The following SLC2A9 variants were observed in gnomAD, a reference collection of about 807,000 sequenced individuals.
The protein encoded by SLC2A9 is solute carrier family 2 member 9, also known as solute carrier family 2, facilitated glucose transporter member 9.
In SLC2A9, 39 loss-of-function variants were observed where a neutral mutation model predicts 50.6. The observed-to-expected ratio is 0.77, with a 90% CI of 0.60 to 1.01. The LOEUF is 1.01. Among genes scored for constraint, SLC2A9 ranks in the 50% least tolerant of loss-of-function variants. The pLI is 0.00. For missense variants in SLC2A9, 686 were observed against 677.6 expected (o/e 1.01, Z -0.14); for synonymous variants, 324 against 276.9 (o/e 1.17, Z -1.69).
intron 1 of SLC2A9, among the ~76,000 whole-genome samples, chr4:10,026,901 G>A (rs1273021138): frequency 2.0e-5 from 3 of 152,014 alleles, no homozygotes; most frequent in African/African-American, 4.8e-5. Flanking sequence ...AAAATTAGCC[G>A]GGTGTGCTAG....
At chr4:9,875,689 C>T (rs1036871770) in intron 10 of SLC2A9, among the ~76,000 whole-genome samples, 6 of 152,286 alleles carry the variant, frequency 3.9e-5, no homozygotes, top group East Asian at 1.9e-4. Flanking sequence ...AGCTCTTAAC[C>T]GCTCTGAGTC....
intron 1 of SLC2A9, among the ~76,000 whole-genome samples, chr4:10,019,509 G>T (rs1763234307): frequency 6.6e-6 from 1 of 152,214 alleles, no homozygotes; most frequent in African/African-American, 2.4e-5. Flanking sequence ...GTGCTGTTAT[G>T]TCCTGTATTA....
At chr4:9,838,501 C>A (rs939900998) in intron 10 of SLC2A9, among the ~76,000 whole-genome samples, 3 of 152,188 alleles carry the variant, frequency 2.0e-5, no homozygotes, top group African/African-American at 7.2e-5. Context: ...CCATAAAAAA[C>A]CGTTTTAAAA....
downstream of SLC2A9, among the ~76,000 whole-genome samples, chr4:9,775,580 G>A (rs545374153): frequency 3.4e-4 from 52 of 151,974 alleles, no homozygotes; most frequent in Non-Finnish European, 5.9e-4. Flanking sequence ...TGCTGTCTTC[G>A]AGATAGTGAG....
chr4:9,934,212 CA>C (rs1460066294), intron 6 of SLC2A9, among the ~76,000 whole-genome samples: 4 of 152,174 alleles, frequency 2.6e-5, no homozygotes, highest in Non-Finnish European at 2.9e-5. Flanking sequence ...ATCTCCCAAT[CA>C]AATCCCCTCT....
chr4:9,963,979 T>C (rs1285198830), intron 5 of SLC2A9, among the ~76,000 whole-genome samples: 1 of 151,764 alleles, frequency 6.6e-6, no homozygotes, highest in Non-Finnish European at 1.5e-5. Flanking sequence ...CTCTGTGAGG[T>C]GGAGGGGTGG....
chr4:9,982,292 C>T (rs1756017759), intron 4 of SLC2A9, among the ~76,000 whole-genome samples: 1 of 152,212 alleles, frequency 6.6e-6, no homozygotes, highest in African/African-American at 2.4e-5. Flanking sequence ...CTTCTCTCTG[C>T]TTTGAGAGGG....
chr4:9,929,937 G>C (rs1306361901), intron 6 of SLC2A9, among the ~76,000 whole-genome samples: 10 of 152,138 alleles, frequency 6.6e-5, no homozygotes, highest in African/African-American at 2.4e-4. Flanking sequence ...CTTCTCTGGA[G>C]GCACCACCCT....
chr4:9,914,281 C>T (rs1423954619), intron 7 of SLC2A9, among the ~76,000 whole-genome samples: 1 of 152,188 alleles, frequency 6.6e-6, no homozygotes, highest in East Asian at 1.9e-4. Flanking sequence ...CCGGCAGCTG[C>T]CAAGCAAAGC....
intron 3 of SLC2A9, among the ~76,000 whole-genome samples, chr4:9,820,827 ATTCT>A (rs1168424715): frequency 6.6e-6 from 1 of 152,214 alleles, no homozygotes; most frequent in East Asian, 1.9e-4. Flanking sequence ...GTTCAGGTAG[ATTCT>A]TTGAGATTTA....
intron 10 of SLC2A9, among the ~76,000 whole-genome samples, chr4:9,863,723 C>T (rs1732012212): frequency 2.0e-5 from 3 of 152,146 alleles, no homozygotes; most frequent in Admixed American, 1.3e-4. Context: ...GCTCGCTAGA[C>T]CTGATGAATG....
chr4:9,920,707 G>C (rs780513139), intron 6 of SLC2A9, 135 bp from the exon 7 acceptor site: 37 of 971,326 alleles, frequency 3.8e-5, no homozygotes, highest in Non-Finnish European at 5.6e-5. Flanking sequence ...AGGGGCCTTT[G>C]AAACTATGGA....
At chr4:9,773,452 G>A (rs1211899490) in intron 1 of SLC2A9, among the ~76,000 whole-genome samples, 1 of 152,236 alleles carries the variant, frequency 6.6e-6, no homozygotes, top group Admixed American at 6.5e-5. Flanking sequence ...TTCCATTTGT[G>A]TCAGTGAAGC....
chr4:9,858,573 G>T (rs1731106664), intron 10 of SLC2A9, among the ~76,000 whole-genome samples: 1 of 152,124 alleles, frequency 6.6e-6, no homozygotes, highest in South Asian at 2.1e-4. Context: ...AGTGTAAGGG[G>T]GGATGGTATT....
chr4:10,008,293 G>A (rs3796839), intron 2 of SLC2A9, among the ~76,000 whole-genome samples: 70,597 of 152,092 alleles, frequency 0.46, 17,855 homozygotes, highest in South Asian at 0.6. Context: ...GGCATGGTGC[G>A]GGGGGAGTTG....
At chr4:9,821,051 G>A (rs1274274671) in intron 3 of SLC2A9, among the ~76,000 whole-genome samples, 2 of 152,098 alleles carry the variant, frequency 1.3e-5, no homozygotes, top group Non-Finnish European at 1.5e-5. Context: ...TAAATATGAT[G>A]CTAGCTGTAT....
At chr4:10,006,783 T>G (rs988628980) in intron 2 of SLC2A9, 1 of 152,118 alleles carries the variant, frequency 6.6e-6, no homozygotes, top group Non-Finnish European at 1.5e-5. Context: ...GTACCTAAAC[T>G]GTGCAAACAG....
At chr4:9,838,546 A>C (rs1727469611) in intron 10 of SLC2A9, among the ~76,000 whole-genome samples, 1 of 152,252 alleles carries the variant, frequency 6.6e-6, no homozygotes, top group African/African-American at 2.4e-5. Flanking sequence ...TGAATAGCCA[A>C]GGCAATGCTA....
At chr4:9,981,154 T>C (rs1295512770) in intron 4 of SLC2A9, among the ~76,000 whole-genome samples, 1 of 151,862 alleles carries the variant, frequency 6.6e-6, no homozygotes, top group African/African-American at 2.4e-5. Context: ...ACGGTGATGA[T>C]GGTGGTGGTA....
Sources: gnomAD v4.1 joint callset for allele counts (sites outside exome capture counted in the v4.1 genomes callset) on GRCh38, gnomAD v4.1.1 for gene constraint, MANE v1.5 for transcripts, NCBI Gene and HGNC (gene_info 2026-07-23, HGNC 2026-07-21) for gene names.